Variants in DNAJB4 observed in about 807,000 individuals in gnomAD.
DNAJB4 encodes the protein DnaJ heat shock protein family (Hsp40) member B4, also known as dnaJ homolog subfamily B member 4.
A neutral mutation model predicts 26.6 loss-of-function variants in DNAJB4; 10 were observed. The observed-to-expected ratio is 0.38, with a 90% CI of 0.23 to 0.64. The LOEUF is 0.64. Ranked by LOEUF, DNAJB4 falls within the 30% of genes least tolerant of loss-of-function variation. The probability of loss-of-function intolerance (pLI) is 0.58; values close to 1 mark genes in which losing one functional copy is unlikely to be tolerated. For missense variants in DNAJB4, 328 were observed against 408.2 expected, an observed-to-expected ratio of 0.80 and a Z score of 1.69; for synonymous variants, 136 against 134.8, an observed-to-expected ratio of 1.01 and a Z score of -0.06.
intron 2 of DNAJB4, 125 bp downstream of exon 2, chr1:78,013,744 A>G: frequency 1.3e-6 from 1 of 743,808 alleles, no homozygotes; most frequent in East Asian, 2.8e-5. Flanking sequence ...TACTATAAAA[A>G]TCCTCTAAGA....
chr1:78,003,304 T>C (rs1191301502), upstream of DNAJB4, among the ~76,000 whole-genome samples: 1 of 152,116 alleles, frequency 6.6e-6, no homozygotes. Context: ...TGATATTATT[T>C]CTTGGTGAGG....
intron 1 of DNAJB4, among the ~76,000 whole-genome samples, chr1:78,009,261 T>C (rs544150631): frequency 6.6e-6 from 1 of 152,292 alleles, no homozygotes; most frequent in African/African-American, 2.4e-5. Context: ...TTGGATGGAG[T>C]AAGAGTTATT....
Position 78,013,125 on chromosome 1 carries a change from G to A in DNAJB4, c.286G>A (p.Ala96Thr), listed in dbSNP as rs1284080680. 3 of 1,614,158 alleles carry A rather than the reference G, an allele frequency of 1.9e-6. No homozygotes were observed. The highest frequency in any genetic ancestry group is 2.5e-6 in the Non-Finnish European group (3 of 1,180,010). Residue 96 changes from alanine to threonine, a missense_variant, in exon 2 of 3, where the codon GCT becomes ACT. Transcript: ENST00000370763. ...GTACACCTTTCATGGCGATCCTCAT[G>A]CTACATTTGCTGCATTTTTCGGAGG... ...FRYTFHGDPHATFAAFFGGSN... is the reference protein window; with the variant it reads ...FRYTFHGDPHTTFAAFFGGSN...
intron 1 of DNAJB4, among the ~76,000 whole-genome samples, chr1:78,009,844 T>C (rs1660422348): frequency 6.6e-6 from 1 of 152,196 alleles, no homozygotes; most frequent in Admixed American, 6.5e-5. Flanking sequence ...CAGGCTGATC[T>C]CGAACTCCAG....
intron 1 of DNAJB4, among the ~76,000 whole-genome samples, chr1:78,006,173 A>G (rs774231752): frequency 1.6e-4 from 24 of 152,180 alleles, no homozygotes; most frequent in Non-Finnish European, 3.2e-4. Context: ...TGAGATCAAA[A>G]ACTAGTGAGC....
intron 1 of DNAJB4, among the ~76,000 whole-genome samples, chr1:77,996,853 T>C (rs1660073761): frequency 6.6e-6 from 1 of 152,112 alleles, no homozygotes; most frequent in African/African-American, 2.4e-5. Context: ...TTACAAATTA[T>C]TATTATTTGA....
upstream of DNAJB4, among the ~76,000 whole-genome samples, chr1:78,003,248 G>A (rs1270115315): frequency 6.6e-6 from 1 of 152,054 alleles, no homozygotes; most frequent in African/African-American, 2.4e-5. Context: ...AAGGTGACTG[G>A]ATATTAGCAT....
intron 1 of DNAJB4, among the ~76,000 whole-genome samples, chr1:77,990,619 T>A (rs866116913): frequency 1.3e-5 from 2 of 152,244 alleles, no homozygotes; most frequent in African/African-American, 2.4e-5. Context: ...GTTACAGGAA[T>A]GTTCACAGTA....
chr1:77,991,829 T>A (rs1011654121), intron 1 of DNAJB4, among the ~76,000 whole-genome samples: 5 of 152,190 alleles, frequency 3.3e-5, no homozygotes, highest in African/African-American at 1.2e-4. Flanking sequence ...CAGAGAAAAT[T>A]CAGGTGTTAG....
At position 78,016,003 on chromosome 1, in the gene DNAJB4, G is replaced by T. The variant is rs368100484; in HGVS notation, c.781-11G>T. 1.8e-5 allele frequency: 29 copies of T among 1,605,426 alleles called. 1 individual carries two copies. In the East Asian group the frequency reaches 5.1e-4, roughly 28 times the overall value. On this transcript the variant is annotated splice_polypyrimidine_tract_variant and intron_variant, in intron 2 of 2. Transcript: ENST00000370763. ...AAGTGTTTTCATTTTATTTTATTTG[G>T]TCCATTTTAGGCATTGTGTGGCTGC...
chr1:78,005,837 C>T (rs1482858997), intron 1 of DNAJB4, among the ~76,000 whole-genome samples: 1 of 152,184 alleles, frequency 6.6e-6, no homozygotes, highest in Non-Finnish European at 1.5e-5. Flanking sequence ...TTAGACTGAA[C>T]AAGACAGAGT....
At chr1:77,985,634 T>A in intron 1 of DNAJB4, among the ~76,000 whole-genome samples, 1 of 152,300 alleles carries the variant, frequency 6.6e-6, no homozygotes, top group South Asian at 2.1e-4. Flanking sequence ...TTTAGATTCT[T>A]AACAACCTTG....
chr1:77,988,070 G>C (rs1411034141), intron 1 of DNAJB4, among the ~76,000 whole-genome samples: 1 of 143,192 alleles, frequency 7.0e-6, no homozygotes, highest in Non-Finnish European at 1.5e-5. Flanking sequence ...TGGTCACTCA[G>C]GCTTGAGTGC....
chr1:78,015,322 T>C (rs1660604883), intron 2 of DNAJB4, among the ~76,000 whole-genome samples: 1 of 152,130 alleles, frequency 6.6e-6, no homozygotes, highest in Non-Finnish European at 1.5e-5. Context: ...AGTCCTGAAT[T>C]TCTCCCTCTT....
upstream of DNAJB4, among the ~76,000 whole-genome samples, chr1:78,003,282 G>A (rs1055254500): frequency 1.3e-5 from 2 of 151,976 alleles, no homozygotes; most frequent in Non-Finnish European, 2.9e-5. Context: ...TTTTGGATTT[G>A]AAAGTACCTT....
At position 78,016,236 on chromosome 1, in the gene DNAJB4, C is replaced by A; in HGVS notation, c.1003C>A (p.Pro335Thr). 1 of 1,613,228 alleles carries A rather than the reference C, an allele frequency of 6.2e-7. No individual in the cohort carries two copies. Among genetic ancestry groups the A allele is most frequent in the Non-Finnish European group, 8.5e-7 (1 of 1,179,384 alleles). Reference sequence around the variant, plus strand: ...CAAAGAAGTACTTAGGAAACATCTTCCTGCCTCATAGAATGAAGAACTTTG... The same window carrying A: ...CAAAGAAGTACTTAGGAAACATCTTACTGCCTCATAGAATGAAGAACTTTG... ...SSKEVLRKHLPAS is the reference protein window; with the variant it reads ...SSKEVLRKHLTAS Residue 335 changes from proline to threonine, a missense_variant, in exon 3 of 3, where the codon CCT (proline) becomes ACT (threonine). Coordinates refer to ENST00000370763, the MANE Select transcript of DNAJB4 (RefSeq NM_007034.5).
chr1:77,982,954 A>G (rs989935585), intron 1 of DNAJB4, among the ~76,000 whole-genome samples: 23 of 152,170 alleles, frequency 1.5e-4, no homozygotes, highest in Non-Finnish European at 3.4e-4. Context: ...GGAACGAGAG[A>G]CTTAGGAAAG....
chr1:77,983,235 C>T (rs997740783), intron 1 of DNAJB4, among the ~76,000 whole-genome samples: 2 of 152,314 alleles, frequency 1.3e-5, no homozygotes, highest in Middle Eastern at 3.4e-3. Context: ...TATTGCTGCC[C>T]GCAGGTCCCA....
At chr1:78,004,529 A>C (rs1660274788), upstream of DNAJB4, 1 of 152,304 alleles carries the variant, frequency 6.6e-6, no homozygotes, top group Non-Finnish European at 1.5e-5. Context: ...CTTAACAGAC[A>C]AATAGCTTAA....
Sources: gnomAD v4.1 joint callset for allele counts (sites outside exome capture counted in the v4.1 genomes callset) on GRCh38, gnomAD v4.1.1 for gene constraint, MANE v1.5 for transcripts, NCBI Gene and HGNC (gene_info 2026-07-23, HGNC 2026-07-21) for gene names.